The following ZHX3 variants were observed in gnomAD, a reference collection of about 807,000 sequenced individuals.
ZHX3 encodes zinc fingers and homeoboxes protein 3.
In ZHX3, 20 loss-of-function variants were observed where a neutral mutation model predicts 64.5. That is an observed-to-expected ratio of 0.31 (90% confidence interval 0.22 to 0.45). The LOEUF (loss-of-function observed/expected upper bound fraction) is 0.45, where lower values mean the gene tolerates loss of function less well. ZHX3 is among the 20% of genes least tolerant of loss of function. ZHX3 has a pLI of 1.00. For synonymous variants in ZHX3, 423 were observed against 461.6 expected (o/e 0.92, Z 1.07); for missense variants, 1,041 against 1,195.8 (o/e 0.87, Z 1.91).
intron 2 of ZHX3, among the ~76,000 whole-genome samples, chr20:41,252,600 A>T (rs2146516177): frequency 6.6e-6 from 1 of 152,280 alleles, no homozygotes; most frequent in South Asian, 2.1e-4. Context: ...CTCTAACTTT[A>T]TCCAGGAGTC....
At position 41,193,776 on chromosome 20, in the gene ZHX3, G is replaced by A. The variant is rs998715616; in HGVS notation, c.2860+8281C>T. ...GGCTGGAGTGCAGTGGCATGATCTC[G>A]GCTCACTGCAAGCTCTGCCTGCCAG... On this transcript the variant is annotated intron_variant, in intron 3 of 3. Transcript: ENST00000683867. 8.0e-5 allele frequency among the ~76,000 whole-genome samples: 12 copies of A among 150,738 alleles called. No individual in the cohort carries two copies. The East Asian group carries it at 1.6e-3, about 20-fold the overall frequency.
chr20:41,188,671 G>A (rs2036744653), intron 3 of ZHX3: 1 of 152,092 alleles, frequency 6.6e-6, no homozygotes, highest in African/African-American at 2.4e-5. Flanking sequence ...AAAGTGTTGG[G>A]ATTATAGGTG....
At chr20:41,193,511 A>G (rs1600718105) in intron 3 of ZHX3, among the ~76,000 whole-genome samples, 1 of 152,126 alleles carries the variant, frequency 6.6e-6, no homozygotes, top group African/African-American at 2.4e-5. Context: ...GGGTCTCACT[A>G]TGTTGCCCAG....
At chr20:41,289,126 G>A (rs2044091776) in intron 1 of ZHX3, among the ~76,000 whole-genome samples, 1 of 151,884 alleles carries the variant, frequency 6.6e-6, no homozygotes. Context: ...CAAATAGCTG[G>A]GACTATAGGC....
At chr20:41,251,130 A>G (rs1451706955) in intron 2 of ZHX3, among the ~76,000 whole-genome samples, 2 of 149,358 alleles carry the variant, frequency 1.3e-5, no homozygotes, top group Non-Finnish European at 2.9e-5. Context: ...AAGGGAACAG[A>G]AAACAACAGA....
In ZHX3 at chr20:41,204,390, T is replaced by C. The variant is rs1459237919; in HGVS notation, c.527A>G (p.Gln176Arg). ...GEPSAEGADG[Q>R]AEIIITKTPI... is the part of the protein sequence containing the mutation. ...AGTTTTGGTAATGATGATTTCTGCC[T>C]GTCCATCAGCCCCTTCAGCACTGGG... Residue 176 changes from glutamine (Q) to arginine (R), a missense_variant, in exon 3 of 4, where the codon CAG becomes CGG. Transcript: ENST00000683867. This position sits in a 1 kb window ranked among gnomAD's most constrained non-coding sequence, Gnocchi z 6.6. 6.2e-7 allele frequency: 1 copy of C among 1,614,226 alleles called. No homozygotes were observed. The highest frequency in any genetic ancestry group is 1.7e-5 in the Admixed American group (1 of 60,032).
At chr20:41,313,905 G>GC (rs1488777669) in intron 1 of ZHX3, among the ~76,000 whole-genome samples, 1 of 151,878 alleles carries the variant, frequency 6.6e-6, no homozygotes. Flanking sequence ...CTCCTTTTAG[G>GC]CCTTTAAGAA....
At chr20:41,227,568 T>C (rs535986376) in intron 2 of ZHX3, among the ~76,000 whole-genome samples, 3 of 152,308 alleles carry the variant, frequency 2.0e-5, no homozygotes, top group South Asian at 4.1e-4. Flanking sequence ...CGCTGCAAGA[T>C]AGTTAGCATA....
chr20:41,200,856 C>T lies in ZHX3; in HGVS notation c.2860+1201G>A, dbSNP rs1024286681. 1.3e-5 allele frequency among the ~76,000 whole-genome samples: 2 copies of T among 152,156 alleles called. No homozygotes were observed. Among genetic ancestry groups the T allele is most frequent in the Non-Finnish European group, 2.9e-5 (2 of 68,030 alleles). ...CCTTAATTCAGTAAAGAAACAATAG[C>T]ATAACTATGTTTCAAACTGTTGTGT... On this transcript the variant is annotated intron_variant, in intron 3 of 3. Transcript: ENST00000683867. The surrounding 1 kb of genome is among the most constrained non-coding windows in gnomAD (Gnocchi z 4.2).
At position 41,316,879 on chromosome 20, in the gene ZHX3, C is replaced by T. The variant is rs553903228; in HGVS notation, c.-245+630G>A. 35 of 152,420 alleles carry T rather than the reference C, an allele frequency of 2.3e-4. 1 individual carries two copies. Among genetic ancestry groups the T allele is most frequent in the African/African-American group, 8.4e-4 (35 of 41,584 alleles). The allele number at this position is 152,420 out of a possible 1,614,324, so 9.4% of individuals were successfully genotyped here. On this transcript the variant is annotated intron_variant, in intron 1 of 3. Coordinates refer to ENST00000683867, the MANE Select transcript of ZHX3 (RefSeq NM_001384317.1). ...CCACTCACACGCCACTCAGGGAATCCGAGGACCTGGGGCCCACGTGTAGTG... is the reference window on the plus strand; with the variant it reads ...CCACTCACACGCCACTCAGGGAATCTGAGGACCTGGGGCCCACGTGTAGTG...
chr20:41,296,317 T>C (rs2044525520), intron 1 of ZHX3, among the ~76,000 whole-genome samples: 1 of 146,446 alleles, frequency 6.8e-6, no homozygotes, highest in Non-Finnish European at 1.5e-5. Context: ...AGCAATACTA[T>C]GTATGAAATG....
intron 2 of ZHX3, among the ~76,000 whole-genome samples, chr20:41,206,973 G>C (rs2038766063): frequency 6.6e-6 from 1 of 152,240 alleles, no homozygotes; most frequent in African/African-American, 2.4e-5. Flanking sequence ...CTACAAGCCA[G>C]AAGAGAAGTG....
At position 41,212,832 on chromosome 20, in the gene ZHX3, AAAAC is replaced by A. The variant is rs2039263719; in HGVS notation, c.-150-7770_-150-7767del. On this transcript the variant is annotated intron_variant, in intron 2 of 3. Coordinates refer to ENST00000683867, the MANE Select transcript of ZHX3 (RefSeq NM_001384317.1). This position sits in a 1 kb window ranked among gnomAD's most constrained non-coding sequence, Gnocchi z 4.3. ...AAACCAAAAACAAAACAAAACAAAA[AAAAC>A]AAAACACCAGCAATTTAATTCCTAA... Among the ~76,000 whole-genome samples the A allele has an allele frequency of 4.6e-5, 7 of 152,078 alleles. No homozygotes were observed. In the South Asian group the frequency reaches 1.5e-3, roughly 32 times the overall value.
At chr20:41,279,896 T>G (rs1331127959) in intron 1 of ZHX3, among the ~76,000 whole-genome samples, 1 of 152,130 alleles carries the variant, frequency 6.6e-6, no homozygotes, top group African/African-American at 2.4e-5. Flanking sequence ...TGAAGCTGGA[T>G]GTAGAAGTAG....
chr20:41,275,836 A>G (rs1600597978), intron 1 of ZHX3, among the ~76,000 whole-genome samples: 1 of 152,176 alleles, frequency 6.6e-6, no homozygotes. Context: ...CTCCCTCTCC[A>G]TTTCTTCAGC....
Position 41,204,653 on chromosome 20 carries a change from G to C in ZHX3, c.264C>G (p.Asp88Glu), listed in dbSNP as rs374156151. ...TCATATGTCCCACAAATTGGGTCATGTCATGGGATCTGAAATCGCAGTATT... is the reference window on the plus strand; with the variant it reads ...TCATATGTCCCACAAATTGGGTCATCTCATGGGATCTGAAATCGCAGTATT... ...SCKYCDFRSH[D>E]MTQFVGHMNS... The change falls in exon 3 of 4, where the codon GAC becomes GAG. Residue 88 changes from aspartate to glutamate, a missense_variant. By Grantham distance (45) the Asp-to-Glu change is conservative. Around this residue, in one of 4 missense-constraint regions of ZHX3, gnomAD observed 358 missense variants for 369.1 expected, o/e 0.97. Coordinates refer to ENST00000683867, the MANE Select transcript of ZHX3 (RefSeq NM_001384317.1). The surrounding 1 kb of genome is among the most constrained non-coding windows in gnomAD (Gnocchi z 6.6). 1 of 1,614,250 alleles carries C rather than the reference G, an allele frequency of 6.2e-7. No homozygotes were observed. The highest frequency in any genetic ancestry group is 8.5e-7 in the Non-Finnish European group (1 of 1,180,044).
rs1013468858 is a variant in ZHX3 at position 41,185,589 on chromosome 20, C to T, written c.2861-388G>A. 8.6e-6 allele frequency: 3 copies of T among 348,012 alleles called. No individual in the cohort carries two copies. Among genetic ancestry groups the T allele is most frequent in the Admixed American group, 8.7e-5 (2 of 22,982 alleles). 21.6% of individuals were successfully genotyped at this position (348,012 alleles called of 1,614,324 possible). On this transcript the variant is annotated intron_variant, in intron 3 of 3. Transcript: ENST00000683867. This position sits in a 1 kb window ranked among gnomAD's most constrained non-coding sequence, Gnocchi z 5.0. The stretch of plus-strand genomic sequence containing the variant: ...CTCCTTCCAGGCTCTCCAGAACATA[C>T]TGTTCCAATATAATAGCAGCTGGGT...
chr20:41,258,653 T>C (rs1468008392), intron 2 of ZHX3, among the ~76,000 whole-genome samples: 3 of 152,242 alleles, frequency 2.0e-5, no homozygotes, highest in Non-Finnish European at 4.4e-5. Context: ...GAAATGATGT[T>C]GTGTTCTTAA....
At chr20:41,189,799 C>T (rs982427846) in intron 3 of ZHX3, among the ~76,000 whole-genome samples, 6 of 152,076 alleles carry the variant, frequency 3.9e-5, no homozygotes, top group Non-Finnish European at 7.4e-5. Context: ...TTTCTCTTTT[C>T]CAATTTGGAT....
Sources: allele counts gnomAD v4.1 joint callset (sites outside exome capture counted in the v4.1 genomes callset), GRCh38; gene constraint gnomAD v4.1.1; regional missense constraint gnomAD v4.1.1; non-coding constraint Gnocchi (gnomAD v3.1); transcripts MANE v1.5; gene names NCBI Gene and HGNC (gene_info 2026-07-23, HGNC 2026-07-21).